Variants in POU2AF1 observed in about 807,000 individuals in gnomAD.
POU2AF1 encodes the protein POU domain class 2-associating factor 1.
Under a neutral mutation model 26.3 loss-of-function variants are expected in POU2AF1, and 12 were observed. The ratio of observed to expected loss-of-function variants is 0.46; its 90% CI spans 0.29 to 0.74. The LOEUF (loss-of-function observed/expected upper bound fraction) is 0.74, where lower values mean the gene tolerates loss of function less well. Among genes scored for constraint, POU2AF1 ranks in the 30% least tolerant of loss-of-function variants. POU2AF1 has a pLI of 0.09. For synonymous variants in POU2AF1, 175 were observed against 148.0 expected (o/e 1.18, Z -1.32); for missense variants, 297 against 334.5 (o/e 0.89, Z 0.87).
In POU2AF1 at chr11:111,357,777, G is replaced by A. The variant is rs766491793; in HGVS notation, c.190+18C>T. 1.2e-6 allele frequency: 2 copies of A among 1,612,856 alleles called. No individual in the cohort carries two copies. The highest frequency in any genetic ancestry group is 1.7e-4 in the Middle Eastern group (1 of 6,058). On this transcript the variant is annotated intron_variant, in intron 3 of 4. Transcript: ENST00000393067. Reference sequence around the variant, plus strand: ...GATGAGAGGCCTGGGGGCCACCAGGGCTACGGGGCACTCTTACCCACTGTG... The same window carrying A: ...GATGAGAGGCCTGGGGGCCACCAGGACTACGGGGCACTCTTACCCACTGTG...
At chr11:111,357,318 G>T (rs756830146) in intron 4 of POU2AF1, 127 bp downstream of exon 4, 1 of 1,357,096 alleles carries the variant, frequency 7.4e-7, no homozygotes, top group Non-Finnish European at 1.0e-6. Context: ...GGAGACCAAG[G>T]CGAGCTCTGA....
chr11:111,368,817 C>T (rs539772120), intron 1 of POU2AF1, among the ~76,000 whole-genome samples: 1 of 152,336 alleles, frequency 6.6e-6, no homozygotes, highest in Admixed American at 6.5e-5. Flanking sequence ...ATATCCATCT[C>T]AAAGGGTAAT....
intron 1 of POU2AF1, among the ~76,000 whole-genome samples, chr11:111,370,126 G>A (rs1254508345): frequency 2.0e-5 from 3 of 152,178 alleles, no homozygotes; most frequent in South Asian, 4.1e-4. Flanking sequence ...TGTAGCCTTC[G>A]CAAGTGAGAG....
intron 1 of POU2AF1, among the ~76,000 whole-genome samples, chr11:111,376,354 G>A (rs1861309727): frequency 6.6e-6 from 1 of 152,180 alleles, no homozygotes; most frequent in Non-Finnish European, 1.5e-5. Flanking sequence ...ACTGTTACTA[G>A]CTGGGGAGGG....
intron 1 of POU2AF1, among the ~76,000 whole-genome samples, chr11:111,373,639 A>G (rs1341430100): frequency 6.6e-6 from 1 of 152,252 alleles, no homozygotes; most frequent in Non-Finnish European, 1.5e-5. Flanking sequence ...AGGAAAAGGC[A>G]AGTTCCATTC....
chr11:111,362,731 G>T (rs1343380584), intron 1 of POU2AF1, among the ~76,000 whole-genome samples: 1 of 152,072 alleles, frequency 6.6e-6, no homozygotes, highest in South Asian at 2.1e-4. Context: ...GAGGCATTGT[G>T]TACTCAAGAG....
intron 1 of POU2AF1, among the ~76,000 whole-genome samples, chr11:111,375,255 T>C (rs1272946254): frequency 2.0e-5 from 3 of 152,220 alleles, no homozygotes; most frequent in Non-Finnish European, 2.9e-5. Context: ...CAGTTTATTA[T>C]ACACAGTTCT....
intron 1 of POU2AF1, among the ~76,000 whole-genome samples, chr11:111,368,107 G>A (rs1027417642): frequency 2.6e-5 from 4 of 152,142 alleles, no homozygotes; most frequent in African/African-American, 9.7e-5. Flanking sequence ...TCAAATAATT[G>A]CACAAACAAA....
intron 1 of POU2AF1, among the ~76,000 whole-genome samples, chr11:111,368,806 A>G (rs73005694): frequency 0.049 from 7,469 of 152,342 alleles, 266 homozygotes; most frequent in Non-Finnish European, 0.078. Flanking sequence ...TGAAAGTAAT[A>G]ATATCCATCT....
chr11:111,377,650 T>C (rs1861334564), intron 1 of POU2AF1: 1 of 170,152 alleles, frequency 5.9e-6, no homozygotes, highest in African/African-American at 2.4e-5. Flanking sequence ...AGTGGCTTGC[T>C]CATAGAAGGT....
At chr11:111,375,880 TAGAC>T (rs1338276791) in intron 1 of POU2AF1, among the ~76,000 whole-genome samples, 2 of 152,212 alleles carry the variant, frequency 1.3e-5, no homozygotes, top group East Asian at 1.9e-4. Flanking sequence ...ATTCAAATGA[TAGAC>T]AGAGCTGTGT....
intron 1 of POU2AF1, among the ~76,000 whole-genome samples, chr11:111,361,160 C>A (rs899093554): frequency 6.6e-6 from 1 of 151,732 alleles, no homozygotes; most frequent in African/African-American, 2.4e-5. Context: ...CAGCACTGCA[C>A]AGGACCCATG....
Position 111,352,763 on chromosome 11 carries a change from G to C in POU2AF1, c.*1498C>G, listed in dbSNP as rs182691807. 4.8e-5 allele frequency: 8 copies of C among 166,368 alleles called. No individual in the cohort carries two copies. Among genetic ancestry groups the C allele is most frequent in the Middle Eastern group, 2.3e-3 (1 of 434 alleles). 10.3% of individuals were successfully genotyped at this position (166,368 alleles called of 1,614,324 possible). On this transcript the variant is annotated 3_prime_UTR_variant, in exon 5 of 5. Coordinates refer to ENST00000393067, the MANE Select transcript of POU2AF1 (RefSeq NM_006235.3). ...AGCCTGGCCAACATGGTGAAACCCC[G>C]TCTCTACTAAAAATACAAAAATTAG...
At chr11:111,370,882 T>C (rs1167743761) in intron 1 of POU2AF1, among the ~76,000 whole-genome samples, 1 of 152,204 alleles carries the variant, frequency 6.6e-6, no homozygotes, top group African/African-American at 2.4e-5. Context: ...CTGCTGAAGA[T>C]AATTTATTTC....
At chr11:111,371,702 G>C (rs1438107887) in intron 1 of POU2AF1, among the ~76,000 whole-genome samples, 1 of 152,092 alleles carries the variant, frequency 6.6e-6, no homozygotes, top group Non-Finnish European at 1.5e-5. Context: ...GTGACAGAAT[G>C]GGAAAATAAT....
At chr11:111,372,875 G>A (rs1485269493) in intron 1 of POU2AF1, among the ~76,000 whole-genome samples, 2 of 152,174 alleles carry the variant, frequency 1.3e-5, no homozygotes, top group Non-Finnish European at 2.9e-5. Context: ...CAGGAGGCAT[G>A]ATCTTTTGCT....
chr11:111,375,546 G>A (rs575529716), intron 1 of POU2AF1, among the ~76,000 whole-genome samples: 31 of 152,004 alleles, frequency 2.0e-4, no homozygotes, highest in Non-Finnish European at 7.4e-5. Context: ...ACAGGGGCCT[G>A]CCACCACAAC....
intron 1 of POU2AF1, among the ~76,000 whole-genome samples, chr11:111,361,710 A>T (rs949946968): frequency 6.6e-6 from 1 of 152,226 alleles, no homozygotes; most frequent in Non-Finnish European, 1.5e-5. Flanking sequence ...CTTCTAATGA[A>T]ACTCACATTT....
intron 1 of POU2AF1, among the ~76,000 whole-genome samples, chr11:111,361,125 CA>C (rs1392899076): frequency 1.3e-5 from 2 of 151,928 alleles, no homozygotes; most frequent in African/African-American, 4.8e-5. Flanking sequence ...TTCATTTTTT[CA>C]AATATTTCTA....
Sources: allele counts gnomAD v4.1 joint callset (sites outside exome capture counted in the v4.1 genomes callset), GRCh38; gene constraint gnomAD v4.1.1; transcripts MANE v1.5; gene names NCBI Gene and HGNC (gene_info 2026-07-23, HGNC 2026-07-21).